MPND: variants seen among roughly 807,000 people sequenced by gnomAD.
The protein encoded by MPND is MPN domain containing.
A neutral mutation model predicts 59.2 loss-of-function variants in MPND; 56 were observed. That is an observed-to-expected ratio of 0.95 (90% CI 0.76 to 1.18). The LOEUF is 1.18. Ranked by LOEUF, MPND falls within the 50% of genes most tolerant of loss-of-function variation. MPND has a pLI of 0.00. For missense variants in MPND, 671 were observed against 676.0 expected, an observed-to-expected ratio of 0.99 and a Z score of 0.08; for synonymous variants, 323 against 291.9, an observed-to-expected ratio of 1.11 and a Z score of -1.09.
At chr19:4,355,868 T>C (rs1972427906) in intron 8 of MPND, among the ~76,000 whole-genome samples, 1 of 143,416 alleles carries the variant, frequency 7.0e-6, no homozygotes, top group African/African-American at 2.6e-5. Flanking sequence ...TTTTTTTTTT[T>C]TTTCTTGAGA....
intron 11 of MPND, among the ~76,000 whole-genome samples, chr19:4,358,873 G>A (rs1284060955): frequency 6.6e-6 from 1 of 152,134 alleles, no homozygotes; most frequent in Admixed American, 6.5e-5. Context: ...CGAACCAGGG[G>A]GCCACGTCAG....
rs779709226 is a variant in MPND, at chr19:4,357,527, C to T, written c.1178C>T (p.Ser393Phe). 6 of 1,613,734 alleles carry T rather than the reference C, an allele frequency of 3.7e-6. No homozygotes were observed. The highest frequency in any genetic ancestry group is 2.2e-5 in the South Asian group (2 of 90,932). The part of the protein sequence containing the change: ...CLALLCSPYY[S>F]GNPGPESKIS... ...TCTCTCCCGCCAGCCCCTTACTATT[C>T]TGGCAACCCAGGCCCCGAGTCCAAG... is the stretch of plus-strand genomic sequence containing the variant. Residue 393 changes from serine (S) to phenylalanine (F), a missense_variant, in exon 10 of 13, where the codon TCT becomes TTT. Transcript: ENST00000599840.
Position 4,357,560 on chromosome 19 carries a change from C to G in MPND, c.1211C>G (p.Pro404Arg), listed in dbSNP as rs764125142. 8 of 1,612,994 alleles carry G rather than the reference C, an allele frequency of 5.0e-6. No homozygotes were observed. In the Admixed American group the frequency reaches 1.3e-4, roughly 27 times the overall value. Residue 404 changes from proline to arginine, a missense_variant, in exon 10 of 13, where the codon CCT becomes CGT. Physicochemically the swap from Pro to Arg is moderately radical, Grantham distance 103 (BLOSUM62 -2). Transcript: ENST00000599840. ...GNPGPESKIS[P>R]FWVMPPPEQR... is the part of the protein sequence containing the mutation. ...CCAGGCCCCGAGTCCAAGATCTCAC[C>G]TTTCTGGGTGATGCCTCCTCCCGAG...
chr19:4,351,555 CT>C (rs1440764727), intron 3 of MPND, among the ~76,000 whole-genome samples: 1 of 152,036 alleles, frequency 6.6e-6, no homozygotes, highest in Non-Finnish European at 1.5e-5. Context: ...TCATTGTGCC[CT>C]TTTACAGATA....
At position 4,359,171 on chromosome 19, in the gene MPND, G is replaced by A. The variant is rs1972517120; in HGVS notation, c.1335G>A (p.Leu445=). ...TNDILHEMML[L]VEFYKGSPDL... ...GCTCCTCTGTCCTGTAGATGCTGCT[G>A]GTGGAGTTCTACAAGGGTTCCCCTG... The change falls in exon 12 of 13, where the codon CTG becomes CTA. Residue 445 remains leucine (L), a synonymous_variant. Transcript: ENST00000599840. 6.2e-7 allele frequency: 1 copy of A among 1,612,464 alleles called. No homozygotes were observed. Among genetic ancestry groups the A allele is most frequent in the East Asian group, 2.2e-5 (1 of 44,840 alleles).
In MPND at chr19:4,343,744, A is replaced by C; in HGVS notation, c.44A>C (p.Glu15Ala). Reference sequence around the variant, plus strand: ...CTGTCCCCGGCGGGCGGTGCGGGCGAGGAGGCGCCGGAGGAGGACGAGGAC... The same window carrying C: ...CTGTCCCCGGCGGGCGGTGCGGGCGCGGAGGCGCCGGAGGAGGACGAGGAC... ...EPLSPAGGAG[E>A]EAPEEDEDEA... The change falls in exon 2 of 13, where the codon GAG becomes GCG. Residue 15 changes from glutamate (E) to alanine (A), a missense_variant. By Grantham distance (107) the Glu-to-Ala change is moderately radical. Transcript: ENST00000599840. 8.3e-7 allele frequency: 1 copy of C among 1,206,600 alleles called. No individual in the cohort carries two copies. The highest frequency in any genetic ancestry group is 1.0e-6 in the Non-Finnish European group (1 of 971,346). The allele number at this position is 1,206,600 out of a possible 1,614,324, so 74.7% of individuals were successfully genotyped here. A position where few individuals can be genotyped will look rare whatever the true frequency, so the allele number is the denominator to read the frequency against.
chr19:4,350,728 C>A (rs752257675), intron 3 of MPND, among the ~76,000 whole-genome samples: 2 of 152,068 alleles, frequency 1.3e-5, no homozygotes, highest in Non-Finnish European at 2.9e-5. Context: ...CCCTGTGAGT[C>A]CCCCACATGG....
chr19:4,355,485 G>A (rs1972418331), intron 8 of MPND, among the ~76,000 whole-genome samples: 1 of 152,114 alleles, frequency 6.6e-6, no homozygotes, highest in South Asian at 2.1e-4. Flanking sequence ...ACAGGTGCCT[G>A]CCACCACGCC....
chr19:4,352,510 T>C (rs1340916751), intron 3 of MPND, among the ~76,000 whole-genome samples: 1 of 151,774 alleles, frequency 6.6e-6, no homozygotes, highest in Admixed American at 6.6e-5. Flanking sequence ...CATGGAGAAA[T>C]CCCGTCTCTA....
intron 3 of MPND, among the ~76,000 whole-genome samples, chr19:4,349,515 AT>A (rs1010736379): frequency 1.1e-3 from 159 of 141,706 alleles, no homozygotes; most frequent in East Asian, 1.9e-3. Context: ...GAGTGGGTCT[AT>A]TTTTTTTTTT....
At chr19:4,344,515 A>G (rs1972142327) in intron 2 of MPND, among the ~76,000 whole-genome samples, 1 of 152,168 alleles carries the variant, frequency 6.6e-6, no homozygotes, top group Non-Finnish European at 1.5e-5. Context: ...GAGGACGTAG[A>G]TTACCAAACA....
rs1295876653 is a variant in MPND at position 4,357,503 on chromosome 19, C to T, written c.1166-12C>T. On this transcript the variant is annotated splice_polypyrimidine_tract_variant and intron_variant, in intron 9 of 12. Coordinates refer to ENST00000599840, the MANE Select transcript of MPND (RefSeq NM_001300862.2). ...CCTCCCAGGGCCAACCCCTCTCCCT[C>T]TCTCCCGCCAGCCCCTTACTATTCT... is the stretch of plus-strand genomic sequence containing the variant. 6.2e-7 allele frequency: 1 copy of T among 1,612,472 alleles called. No homozygotes were observed. Among genetic ancestry groups the T allele is most frequent in the Non-Finnish European group, 8.5e-7 (1 of 1,179,382 alleles).
In MPND at chr19:4,344,138, G is replaced by C. The variant is rs368553086; in HGVS notation, c.294+144G>C. 2.7e-5 allele frequency: 15 copies of C among 545,872 alleles called. No homozygotes were observed. In the African/African-American group the frequency reaches 3.0e-4, roughly 11 times the overall value. The allele number at this position is 545,872 out of a possible 1,614,324, so 33.8% of individuals were successfully genotyped here. ...CTCCCTTGCTGAGAGACGAGCCCCG[G>C]TGTGGCGAGGGGAAACTGAGGCCCG... On this transcript the variant is annotated intron_variant, in intron 2 of 12. Transcript: ENST00000599840.
rs1244137634 is a variant in MPND at position 4,357,351 on chromosome 19, A to T, written c.1095A>T (p.Ala365=). ...PALPSLQDID[A]QMDYQLRLQG... ...TGCCATCTCTGCAGGACATCGACGC[A>T]CAGATGGACTACCAGCTGCGGCTGC... The change falls in exon 9 of 13, where the codon GCA becomes GCT. Residue 365 remains alanine (A), a synonymous_variant. Transcript: ENST00000599840. 1 of 1,613,262 alleles carries T rather than the reference A, an allele frequency of 6.2e-7. No individual in the cohort carries two copies. Among genetic ancestry groups the T allele is most frequent in the South Asian group, 1.1e-5 (1 of 91,076 alleles).
intron 3 of MPND, among the ~76,000 whole-genome samples, chr19:4,349,508 TG>T (rs1247844877): frequency 1.3e-5 from 2 of 149,584 alleles, no homozygotes; most frequent in Non-Finnish European, 3.0e-5. Context: ...GCTCAGTGAG[TG>T]GGTCTATTTT....
At chr19:4,351,596 C>G (rs1368475242) in intron 3 of MPND, among the ~76,000 whole-genome samples, 3 of 152,032 alleles carry the variant, frequency 2.0e-5, no homozygotes, top group Admixed American at 6.6e-5. Flanking sequence ...GGCACGGTGG[C>G]TCACGCCTTT....
chr19:4,354,450 G>A (rs1367252519), intron 6 of MPND, 30 bp downstream of exon 6: 5 of 1,540,202 alleles, frequency 3.2e-6, no homozygotes, highest in African/African-American at 1.4e-5. Context: ...TAGGGGCAAG[G>A]GGCTCCGGAG....
At chr19:4,347,172 C>G (rs4806980) in intron 3 of MPND, 79,862 of 150,738 alleles carry the variant, frequency 0.53, 22,808 homozygotes, top group African/African-American at 0.76. Flanking sequence ...TTGCTGTTAT[C>G]GCCTTCAACT....
At chr19:4,356,038 G>A (rs1215049952) in intron 8 of MPND, among the ~76,000 whole-genome samples, 1 of 150,760 alleles carries the variant, frequency 6.6e-6, no homozygotes, top group Non-Finnish European at 1.5e-5. Flanking sequence ...ATTTTTAGTT[G>A]AGACAGGGTT....
Sources: gnomAD v4.1 joint callset for allele counts (sites outside exome capture counted in the v4.1 genomes callset) on GRCh38, gnomAD v4.1.1 for gene constraint, MANE v1.5 for transcripts, NCBI Gene and HGNC (gene_info 2026-07-23, HGNC 2026-07-21) for gene names.